The following IMP3 variants were observed in gnomAD, a reference collection of about 807,000 sequenced individuals.
IMP3 encodes the protein U3 small nucleolar ribonucleoprotein IMP3.
IMP3 carries 17 observed loss-of-function variants against 10.2 expected under a neutral mutation model. That is an observed-to-expected ratio of 1.67 (90% CI 1.14 to 2.50). The LOEUF is 2.50. Among genes scored for constraint, IMP3 ranks in the 30% most tolerant of loss-of-function variants. IMP3 has a pLI of 0.00. For missense variants in IMP3, 290 were observed against 260.2 expected (o/e 1.11, Z -0.79); for synonymous variants, 167 against 120.1 (o/e 1.39, Z -2.55).
chr15:75,639,768 C>T lies in IMP3; in HGVS notation c.401G>A (p.Gly134Glu), dbSNP rs1310511920. 2.5e-6 allele frequency: 4 copies of T among 1,613,168 alleles called. No homozygotes were observed. Among genetic ancestry groups the T allele is most frequent in the Non-Finnish European group, 3.4e-6 (4 of 1,179,996 alleles). The change falls in exon 1 of 1, where the codon GGG (glycine) becomes GAG (glutamate). Residue 134 changes from glycine to glutamate, a missense_variant. By Grantham distance (98) the Gly-to-Glu change is moderately conservative. Transcript: ENST00000403490. ...CACGTCAGGGCCCACGCGTACGTGCCCTTGCTCCACAAAGGCCACGGCAGC... is the reference window on the plus strand; with the variant it reads ...CACGTCAGGGCCCACGCGTACGTGCTCTTGCTCCACAAAGGCCACGGCAGC... ...LQAAVAFVEQ[G>E]HVRVGPDVVT...
chr15:75,639,842 G>T lies in IMP3; in HGVS notation c.327C>A (p.Arg109=). The change falls in exon 1 of 1, where the codon CGC becomes CGA. Residue 109 remains arginine (R), a synonymous_variant. Coordinates refer to ENST00000403490, the MANE Select transcript of IMP3 (RefSeq NM_018285.4). ...GCTTGAGGAGCACGGTGGGGAGGCG[G>T]CGGCGGCAGAAGGACGAGGCCGTGA... ...DFVTASSFCR[R]RLPTVLLKLR... 6.2e-7 allele frequency: 1 copy of T among 1,611,018 alleles called. No homozygotes were observed. The highest frequency in any genetic ancestry group is 8.5e-7 in the Non-Finnish European group (1 of 1,179,022).
Position 75,639,552 on chromosome 15 carries a change from C to T in IMP3, c.*62G>A. 3.4e-6 allele frequency: 5 copies of T among 1,473,956 alleles called. No homozygotes were observed. The highest frequency in any genetic ancestry group is 1.1e-5 in the South Asian group (1 of 87,534). The allele number at this position is 1,473,956 out of a possible 1,614,324, so 91.3% of individuals were successfully genotyped here. On this transcript the variant is annotated 3_prime_UTR_variant, in exon 1 of 1. Transcript: ENST00000403490. ...CTTGAGGAGAGCACCCTCATAGAAT[C>T]TCCAGCATCAGGCCTCAGTTTTCCC...
In IMP3 at chr15:75,639,523, T is replaced by C; in HGVS notation, c.*91A>G. 8.5e-7 allele frequency: 1 copy of C among 1,182,106 alleles called. No individual in the cohort carries two copies. The allele number at this position is 1,182,106 out of a possible 1,614,324, so 73.2% of individuals were successfully genotyped here. ...TTCTTAAGAACCTACGACCGTCTGA[T>C]ACCCTTGAGGAGAGCACCCTCATAG... On this transcript the variant is annotated 3_prime_UTR_variant, in exon 1 of 1. Transcript: ENST00000403490.
rs1893388020 is a variant in IMP3, at chr15:75,639,282, GAA to G, written c.*330_*331del. On this transcript the variant is annotated 3_prime_UTR_variant, in exon 1 of 1. Transcript: ENST00000403490. ...CAGTCCAACCACAAGACGATAAAGG[GAA>G]ACAGGGCGTGGGGATTTCCAGTTTT... is the stretch of plus-strand genomic sequence containing the variant. 28 of 338,340 alleles carry G rather than the reference GAA, an allele frequency of 8.3e-5. No individual in the cohort carries two copies. The highest frequency in any genetic ancestry group is 8.0e-4 in the South Asian group (28 of 35,124). The allele number at this position is 338,340 out of a possible 1,614,324, so 21.0% of individuals were successfully genotyped here. A position where few individuals can be genotyped will look rare whatever the true frequency, so the allele number is the denominator to read the frequency against.
At position 75,640,172 on chromosome 15, in the gene IMP3, G is replaced by A. The variant is rs1893409812; in HGVS notation, c.-4C>T. 1.3e-6 allele frequency: 2 copies of A among 1,508,416 alleles called. No individual in the cohort carries two copies. The highest frequency in any genetic ancestry group is 1.8e-6 in the Non-Finnish European group (2 of 1,130,302). 93.4% of individuals were successfully genotyped at this position (1,508,416 alleles called of 1,614,324 possible). On this transcript the variant is annotated 5_prime_UTR_variant, in exon 1 of 1. Coordinates refer to ENST00000403490, the MANE Select transcript of IMP3 (RefSeq NM_018285.4). ...GGAACTTAAGCTTCCGCACCATGAT[G>A]GCGGCAGCCGCAGCCGCAGGACCCG...
chr15:75,639,131 A>C lies in IMP3; in HGVS notation c.*483T>G, dbSNP rs189818956. The C allele has an allele frequency of 1.9e-3, 303 of 160,950 alleles. 1 individual carries two copies. Among genetic ancestry groups the C allele is most frequent in the Non-Finnish European group, 2.4e-3 (176 of 72,324 alleles). 10.0% of individuals were successfully genotyped at this position (160,950 alleles called of 1,614,324 possible). On this transcript the variant is annotated 3_prime_UTR_variant, in exon 1 of 1. Transcript: ENST00000403490. ...GCAGTTGGGGCATTTATTGACATTT[A>C]AACAAGGGAGGAGATCCTGAACACT...
chr15:75,639,836 G>A lies in IMP3; in HGVS notation c.333C>T (p.Leu111=), dbSNP rs11556264. 1 of 1,611,314 alleles carries A rather than the reference G, an allele frequency of 6.2e-7. No individual in the cohort carries two copies. Among genetic ancestry groups the A allele is most frequent in the South Asian group, 1.1e-5 (1 of 90,954 alleles). The change falls in exon 1 of 1, where the codon CTC becomes CTT. Residue 111 remains leucine (L), a synonymous_variant. Transcript: ENST00000403490. ...VTASSFCRRR[L]PTVLLKLRMA... is the part of the protein sequence containing the mutation. ...TGCGCAGCTTGAGGAGCACGGTGGGGAGGCGGCGGCGGCAGAAGGACGAGG... is the reference window on the plus strand; with the variant it reads ...TGCGCAGCTTGAGGAGCACGGTGGGAAGGCGGCGGCGGCAGAAGGACGAGG...
rs1209921690 is a variant in IMP3 at position 75,640,185 on chromosome 15, G to A, written c.-17C>T. On this transcript the variant is annotated 5_prime_UTR_variant, in exon 1 of 1. Coordinates refer to ENST00000403490, the MANE Select transcript of IMP3 (RefSeq NM_018285.4). Reference sequence around the variant, plus strand: ...CCGCACCATGATGGCGGCAGCCGCAGCCGCAGGACCCGAAGCTGAGAGCGC... The same window carrying A: ...CCGCACCATGATGGCGGCAGCCGCAACCGCAGGACCCGAAGCTGAGAGCGC... 5.3e-6 allele frequency: 8 copies of A among 1,503,090 alleles called. No homozygotes were observed. Among genetic ancestry groups the A allele is most frequent in the East Asian group, 2.4e-5 (1 of 41,760 alleles). 93.1% of individuals were successfully genotyped at this position (1,503,090 alleles called of 1,614,324 possible).
At position 75,640,214 on chromosome 15, in the gene IMP3, C is replaced by T; in HGVS notation, c.-46G>A. ...CAGGACCCGAAGCTGAGAGCGCGTT[C>T]TGGCATCCGCGCGATTTCCGCCGCG... On this transcript the variant is annotated 5_prime_UTR_variant, in exon 1 of 1. Coordinates refer to ENST00000403490, the MANE Select transcript of IMP3 (RefSeq NM_018285.4). The T allele has an allele frequency of 6.8e-7, 1 of 1,472,118 alleles. No individual in the cohort carries two copies. Among genetic ancestry groups the T allele is most frequent in the Non-Finnish European group, 9.0e-7 (1 of 1,112,296 alleles). The allele number at this position is 1,472,118 out of a possible 1,614,324, so 91.2% of individuals were successfully genotyped here. A position where few individuals can be genotyped will look rare whatever the true frequency, so the allele number is the denominator to read the frequency against.
Sources: gnomAD v4.1 joint callset for allele counts on GRCh38, gnomAD v4.1.1 for gene constraint, MANE v1.5 for transcripts, NCBI Gene and HGNC (gene_info 2026-07-23, HGNC 2026-07-21) for gene names.